The following NTRK3 variants were observed in gnomAD, a reference collection of about 807,000 sequenced individuals.
The protein encoded by NTRK3 is NT-3 growth factor receptor.
Under a neutral mutation model 91.7 loss-of-function variants are expected in NTRK3, and 24 were observed. The ratio of observed to expected loss-of-function variants is 0.26; its 90% confidence interval spans 0.19 to 0.37. The LOEUF is 0.37. NTRK3 is among the 10% of genes least tolerant of loss of function. The pLI is 1.00. For missense variants in NTRK3, 880 were observed against 1,068.9 expected (o/e 0.82, Z 2.46); for synonymous variants, 483 against 404.0 (o/e 1.20, Z -2.34).
intron 14 of NTRK3, among the ~76,000 whole-genome samples, chr15:88,001,649 A>G (rs1015400549): frequency 3.3e-5 from 5 of 152,186 alleles, no homozygotes; most frequent in Non-Finnish European, 5.9e-5. Context: ...AGTTGACCGC[A>G]AAAGTACAAG....
intron 3 of NTRK3, among the ~76,000 whole-genome samples, chr15:88,210,349 TC>T (rs1246838921): frequency 6.6e-5 from 10 of 152,278 alleles, no homozygotes; most frequent in Admixed American, 5.9e-4. Context: ...TGATCTATCT[TC>T]CTCGCGGAAG....
chr15:88,208,643 T>C (rs2048990633), intron 3 of NTRK3, among the ~76,000 whole-genome samples: 1 of 152,166 alleles, frequency 6.6e-6, no homozygotes, highest in African/African-American at 2.4e-5. Flanking sequence ...GAGTAGGCAC[T>C]CACAGTGATT....
chr15:88,062,022 T>C (rs2046265868), intron 13 of NTRK3, among the ~76,000 whole-genome samples: 1 of 152,150 alleles, frequency 6.6e-6, no homozygotes, highest in Non-Finnish European at 1.5e-5. Flanking sequence ...TAAAAAATCA[T>C]ACAAATTTTT....
intron 17 of NTRK3, among the ~76,000 whole-genome samples, chr15:87,909,763 T>C (rs1364908857): frequency 6.6e-6 from 1 of 152,148 alleles, no homozygotes; most frequent in Non-Finnish European, 1.5e-5. Context: ...CCTAATCCAA[T>C]AGGACTGGGG....
chr15:88,024,897 T>C (rs2077899794), intron 14 of NTRK3, among the ~76,000 whole-genome samples: 1 of 152,252 alleles, frequency 6.6e-6, no homozygotes, highest in South Asian at 2.1e-4. Context: ...TTAGTAAACA[T>C]GGCAATTGGT....
At chr15:87,997,104 C>G (rs530859241) in intron 14 of NTRK3, among the ~76,000 whole-genome samples, 6 of 152,332 alleles carry the variant, frequency 3.9e-5, no homozygotes, top group African/African-American at 1.4e-4. Context: ...TGCCATTAGG[C>G]AGATGTGGAT....
chr15:87,936,265 A>G (rs2141984070), intron 15 of NTRK3, among the ~76,000 whole-genome samples: 1 of 152,270 alleles, frequency 6.6e-6, no homozygotes, highest in South Asian at 2.1e-4. Context: ...TTTGTATAGT[A>G]TCTTTAGTAC....
intron 5 of NTRK3, among the ~76,000 whole-genome samples, chr15:88,175,017 T>C (rs889461115): frequency 6.6e-6 from 1 of 152,234 alleles, no homozygotes; most frequent in African/African-American, 2.4e-5. Flanking sequence ...TCATTTGTGT[T>C]CTGAGACCCT....
chr15:88,164,262 T>C (rs781704903), intron 5 of NTRK3, among the ~76,000 whole-genome samples: 1 of 152,226 alleles, frequency 6.6e-6, no homozygotes, highest in Non-Finnish European at 1.5e-5. Context: ...GCCTTACCCA[T>C]GCCACCTGGT....
chr15:88,249,604 G>T (rs1423169652), intron 3 of NTRK3, among the ~76,000 whole-genome samples: 1 of 152,134 alleles, frequency 6.6e-6, no homozygotes, highest in Admixed American at 6.5e-5. Flanking sequence ...TTCCAGCTTT[G>T]AATTCTGGTA....
chr15:88,161,988 G>A (rs896703198), intron 5 of NTRK3, among the ~76,000 whole-genome samples: 3 of 152,146 alleles, frequency 2.0e-5, no homozygotes, highest in African/African-American at 7.2e-5. Flanking sequence ...AGAGCAAAAT[G>A]GAAGCACAAT....
intron 3 of NTRK3, among the ~76,000 whole-genome samples, chr15:88,192,432 C>T (rs1454725692): frequency 1.3e-5 from 2 of 152,142 alleles, no homozygotes; most frequent in Non-Finnish European, 2.9e-5. Flanking sequence ...CCCAGCTTGC[C>T]TACACATCAA....
chr15:88,048,772 T>A (rs772173767), intron 13 of NTRK3, among the ~76,000 whole-genome samples: 2 of 152,076 alleles, frequency 1.3e-5, no homozygotes, highest in Non-Finnish European at 2.9e-5. Context: ...CAAGATCTTG[T>A]AAAAGTCAAA....
chr15:87,880,186 C>G (rs950682736), intron 18 of NTRK3, 84 bp downstream of exon 19: 15 of 1,554,406 alleles, frequency 9.6e-6, no homozygotes, highest in Non-Finnish European at 1.1e-5. Context: ...CACCTAATGT[C>G]TTGTTCAGTA....
chr15:88,214,987 C>T (rs952992751), intron 3 of NTRK3, among the ~76,000 whole-genome samples: 4 of 152,182 alleles, frequency 2.6e-5, no homozygotes, highest in African/African-American at 4.8e-5. Context: ...CTCCTCTGCC[C>T]GGTTTCCTCC....
chr15:88,131,925 G>C (rs570809549), intron 10 of NTRK3: 1 of 198,722 alleles, frequency 5.0e-6, no homozygotes, highest in African/African-American at 2.3e-5. Context: ...AGGAGCGCTT[G>C]TCCAGCACAC....
chr15:87,881,368 C>T (rs1437137343), intron 17 of NTRK3, among the ~76,000 whole-genome samples: 1 of 152,096 alleles, frequency 6.6e-6, no homozygotes, highest in South Asian at 2.1e-4. Flanking sequence ...TATTTATGTC[C>T]GGATGAGGTA....
intron 3 of NTRK3, among the ~76,000 whole-genome samples, chr15:88,251,580 C>G (rs960826361): frequency 3.9e-5 from 6 of 152,258 alleles, no homozygotes; most frequent in African/African-American, 1.4e-4. Flanking sequence ...GATGGGGACC[C>G]AGGCCACAGT....
intron 5 of NTRK3, among the ~76,000 whole-genome samples, chr15:88,147,673 A>T (rs1451372220): frequency 6.6e-6 from 1 of 152,080 alleles, no homozygotes; most frequent in South Asian, 2.1e-4. Context: ...TGAAATTCTC[A>T]TGGTCATTCT....
Sources: gnomAD v4.1 joint callset for allele counts (sites outside exome capture counted in the v4.1 genomes callset) on GRCh38, gnomAD v4.1.1 for gene constraint, MANE v1.5 for transcripts, NCBI Gene and HGNC (gene_info 2026-07-23, HGNC 2026-07-21) for gene names.